NSMAF: variants seen among roughly 807,000 people sequenced by gnomAD.
NSMAF encodes neutral sphingomyelinase activation associated factor, also known as protein FAN.
A neutral mutation model predicts 134.9 loss-of-function variants in NSMAF; 90 were observed. The ratio of observed to expected loss-of-function variants is 0.67; its 90% CI spans 0.56 to 0.79. The LOEUF is 0.79. NSMAF is among the 30% of genes least tolerant of loss of function. The probability of loss-of-function intolerance (pLI) is 0.00; values close to 1 mark genes in which losing one functional copy is unlikely to be tolerated. For synonymous variants in NSMAF, 358 were observed against 389.6 expected, an observed-to-expected ratio of 0.92 and a Z score of 0.96; for missense variants, 1,010 against 1,119.0, an observed-to-expected ratio of 0.90 and a Z score of 1.39.
intron 23 of NSMAF, among the ~76,000 whole-genome samples, chr8:58,591,845 A>T (rs1806029370): frequency 6.6e-6 from 1 of 152,110 alleles, no homozygotes; most frequent in African/African-American, 2.4e-5. Flanking sequence ...TGTGCTTCAG[A>T]CATCCTATAT....
chr8:58,636,695 G>A (rs1807180865), intron 2 of NSMAF, among the ~76,000 whole-genome samples: 1 of 152,180 alleles, frequency 6.6e-6, no homozygotes, highest in South Asian at 2.1e-4. Context: ...CACACAGTAT[G>A]TACACAAATG....
rs186008821 is a variant in NSMAF, at chr8:58,601,403, G to A, written c.1216+42C>T. ...GGTCACAGAATCATTGAAGAATACA[G>A]TGAAATAAAATTTAATTGGGGGTAA... On this transcript the variant is annotated intron_variant, in intron 15 of 30. Transcript: ENST00000038176. 2,455 of 1,610,644 alleles carry A rather than the reference G, an allele frequency of 1.5e-3. 8 individuals are homozygous for A. The highest frequency in any genetic ancestry group is 2.1e-3 in the Middle Eastern group (13 of 6,056).
intron 18 of NSMAF, 72 bp downstream of exon 18, chr8:58,599,678 T>A: frequency 1.3e-6 from 2 of 1,517,524 alleles, no homozygotes; most frequent in Non-Finnish European, 1.8e-6. Context: ...ATCTAAGCAA[T>A]AAAATAATTA....
intron 2 of NSMAF, among the ~76,000 whole-genome samples, chr8:58,638,006 C>G (rs1386930783): frequency 4.6e-5 from 7 of 152,150 alleles, no homozygotes; most frequent in Admixed American, 2.6e-4. Context: ...AAGAAATTAA[C>G]ATTGATATTG....
intron 12 of NSMAF, among the ~76,000 whole-genome samples, chr8:58,605,724 A>G (rs936732923): frequency 1.7e-4 from 26 of 151,710 alleles, no homozygotes; most frequent in African/African-American, 6.1e-4. Context: ...TAAAAATACA[A>G]AAAAAATTAG....
chr8:58,603,393 G>A lies in NSMAF; in HGVS notation c.869-7C>T, dbSNP rs1563528738. The A allele has an allele frequency of 6.2e-7, 1 of 1,612,964 alleles. No homozygotes were observed. The highest frequency in any genetic ancestry group is 1.7e-5 in the Admixed American group (1 of 60,008). The stretch of plus-strand genomic sequence containing the variant: ...TGCTCCGCCACATGGTGCTCTGGGG[G>A]AAGAGGACCCACGAGGTCTGCCACT... On this transcript the variant is annotated splice_region_variant and splice_polypyrimidine_tract_variant and intron_variant, in intron 12 of 30. Coordinates refer to ENST00000038176, the MANE Select transcript of NSMAF (RefSeq NM_003580.4).
chr8:58,590,875 A>T lies in NSMAF; in HGVS notation c.2011T>A (p.Ser671Thr). ...SKMLQRSISF[S>T]NMALSSCLLL... Reference sequence around the variant, plus strand: ...TATTAAAATGAACTCACCATATTTGAAAATGATATACTTCTTTGTAGCATT... The same window carrying T: ...TATTAAAATGAACTCACCATATTTGTAAATGATATACTTCTTTGTAGCATT... The change falls in exon 24 of 31, where the codon TCA becomes ACA. Residue 671 changes from serine to threonine, a missense_variant. Physicochemically the swap from Ser to Thr is moderately conservative, Grantham distance 58. Transcript: ENST00000038176. The T allele has an allele frequency of 6.4e-7, 1 of 1,560,704 alleles. No individual in the cohort carries two copies. Among genetic ancestry groups the T allele is most frequent in the South Asian group, 1.1e-5 (1 of 89,770 alleles).
chr8:58,600,427 A>G (rs1010577852), intron 16 of NSMAF, among the ~76,000 whole-genome samples: 13 of 152,068 alleles, frequency 8.5e-5, no homozygotes, highest in Non-Finnish European at 1.8e-4. Flanking sequence ...GATCAAGACC[A>G]TCCTGGCCAA....
At chr8:58,622,345 C>T (rs1408364789) in intron 9 of NSMAF, among the ~76,000 whole-genome samples, 2 of 152,116 alleles carry the variant, frequency 1.3e-5, no homozygotes, top group East Asian at 3.9e-4. Context: ...GGGATCCTCC[C>T]ACCTTGCCTC....
chr8:58,632,337 C>G (rs1182903337), intron 5 of NSMAF, among the ~76,000 whole-genome samples: 1 of 152,164 alleles, frequency 6.6e-6, no homozygotes, highest in Non-Finnish European at 1.5e-5. Context: ...CCCTTGGGCC[C>G]ATGACAGGTT....
intron 5 of NSMAF, among the ~76,000 whole-genome samples, chr8:58,633,340 A>G (rs991478855): frequency 1.3e-5 from 2 of 152,172 alleles, no homozygotes; most frequent in African/African-American, 4.8e-5. Flanking sequence ...TACCTGGAAT[A>G]CCAGTGTTTG....
chr8:58,592,805 T>C (rs1585727035), intron 23 of NSMAF, among the ~76,000 whole-genome samples: 1 of 152,016 alleles, frequency 6.6e-6, no homozygotes, highest in East Asian at 1.9e-4. Context: ...GAGAATCGCT[T>C]GAACCCAGGA....
rs1003614313 is a variant in NSMAF at position 58,609,810 on chromosome 8, A to G, written c.558-77T>C. Reference sequence around the variant, plus strand: ...TTCTAGGTTTATCTAAGGGAGCTACAGTGTGACTTTCTATGACATTTGTCT... The same window carrying G: ...TTCTAGGTTTATCTAAGGGAGCTACGGTGTGACTTTCTATGACATTTGTCT... On this transcript the variant is annotated intron_variant, in intron 9 of 30. Coordinates refer to ENST00000038176, the MANE Select transcript of NSMAF (RefSeq NM_003580.4). 2.9e-6 allele frequency: 4 copies of G among 1,387,842 alleles called. No individual in the cohort carries two copies. In the South Asian group the frequency reaches 4.9e-5, roughly 17 times the overall value. The allele number at this position is 1,387,842 out of a possible 1,614,324, so 86.0% of individuals were successfully genotyped here. A position where few individuals can be genotyped will look rare whatever the true frequency, so the allele number is the denominator to read the frequency against.
chr8:58,594,219 G>A lies in NSMAF; in HGVS notation c.1951+13C>T. 6.2e-7 allele frequency: 1 copy of A among 1,613,362 alleles called. No individual in the cohort carries two copies. The highest frequency in any genetic ancestry group is 1.7e-4 in the Middle Eastern group (1 of 6,060). Reference sequence around the variant, plus strand: ...GATTTTGGTTAAGCCGCCTTTCGGGGAGGAACACTGACCTTGGGATGTTGT... The same window carrying A: ...GATTTTGGTTAAGCCGCCTTTCGGGAAGGAACACTGACCTTGGGATGTTGT... On this transcript the variant is annotated intron_variant, in intron 23 of 30. Coordinates refer to ENST00000038176, the MANE Select transcript of NSMAF (RefSeq NM_003580.4).
intron 12 of NSMAF, among the ~76,000 whole-genome samples, chr8:58,605,325 C>T (rs1459671922): frequency 6.6e-6 from 1 of 152,158 alleles, no homozygotes; most frequent in Non-Finnish European, 1.5e-5. Flanking sequence ...TGACCACAAT[C>T]AATGATCACA....
At chr8:58,634,017 C>G (rs1238158520) in intron 5 of NSMAF, among the ~76,000 whole-genome samples, 1 of 152,044 alleles carries the variant, frequency 6.6e-6, no homozygotes, top group Non-Finnish European at 1.5e-5. Flanking sequence ...ATCTTCAAGT[C>G]AAAAAGTACC....
rs1171207347 is a variant in NSMAF at position 58,583,789 on chromosome 8, T to C, written c.*317A>G. 3 of 295,606 alleles carry C rather than the reference T, an allele frequency of 1.0e-5. No homozygotes were observed. The highest frequency in any genetic ancestry group is 1.9e-5 in the Non-Finnish European group (3 of 157,424). The allele number at this position is 295,606 out of a possible 1,614,324, so 18.3% of individuals were successfully genotyped here. Reference sequence around the variant, plus strand: ...TAATTGTTCAGTGCTTTCTGACAAGTTTCCCCAGCCCAATTTATCTCTTAG... The same window carrying C: ...TAATTGTTCAGTGCTTTCTGACAAGCTTCCCCAGCCCAATTTATCTCTTAG... On this transcript the variant is annotated 3_prime_UTR_variant, in exon 31 of 31. Coordinates refer to ENST00000038176, the MANE Select transcript of NSMAF (RefSeq NM_003580.4).
At chr8:58,619,334 A>G in intron 9 of NSMAF, among the ~76,000 whole-genome samples, 1 of 152,194 alleles carries the variant, frequency 6.6e-6, no homozygotes. Context: ...AAAGGTAGCA[A>G]TAAAATAGAA....
intron 1 of NSMAF, among the ~76,000 whole-genome samples, chr8:58,656,157 C>T (rs1397064173): frequency 6.6e-6 from 1 of 151,636 alleles, no homozygotes; most frequent in African/African-American, 2.4e-5. Context: ...TAGCTGGGAC[C>T]ACAGGCGCAC....
Sources: allele counts gnomAD v4.1 joint callset (sites outside exome capture counted in the v4.1 genomes callset), GRCh38; gene constraint gnomAD v4.1.1; transcripts MANE v1.5; gene names NCBI Gene and HGNC (gene_info 2026-07-23, HGNC 2026-07-21).